Variants in PRRC2C observed in about 807,000 individuals in gnomAD.
PRRC2C encodes the protein protein PRRC2C.
Under a neutral mutation model 317.2 loss-of-function variants are expected in PRRC2C, and 72 were observed. The ratio of observed to expected loss-of-function variants is 0.23; its 90% CI spans 0.19 to 0.28. PRRC2C has a LOEUF of 0.28. Among genes scored for constraint, PRRC2C ranks in the 10% least tolerant of loss-of-function variants. The pLI, the probability that PRRC2C is intolerant of heterozygous loss-of-function variation, is 1.00. For synonymous variants in PRRC2C, 1,296 were observed against 1,205.9 expected, an observed-to-expected ratio of 1.07 and a Z score of -1.55; for missense variants, 3,074 against 3,459.7, an observed-to-expected ratio of 0.89 and a Z score of 2.80.
Position 171,557,643 on chromosome 1 carries a change from C to A in PRRC2C, c.5531C>A (p.Pro1844His). The A allele has an allele frequency of 6.4e-7, 1 of 1,551,626 alleles. No individual in the cohort carries two copies. Among genetic ancestry groups the A allele is most frequent in the Non-Finnish European group, 8.7e-7 (1 of 1,146,984 alleles). Residue 1844 changes from proline to histidine, a missense_variant, in exon 19 of 35, where the codon CCC becomes CAC. Physicochemically the swap from Pro to His is moderately conservative, Grantham distance 77. This residue lies in a region of PRRC2C where 640 missense variants were observed against 676.1 expected (regional missense o/e 0.95). Coordinates refer to ENST00000647382, the MANE Select transcript of PRRC2C (RefSeq NM_001387844.1). ...SAPASAPAPT[P>H]ILASVSTPAS... is the part of the protein sequence containing the mutation. ...CCAGCCTCAGCCCCAGCTCCAACCC[C>A]CATCCTTGCCTCAGTTTCAACCCCA...
At chr1:171,564,570 T>C (rs1683287615) in intron 20 of PRRC2C, among the ~76,000 whole-genome samples, 1 of 152,246 alleles carries the variant, frequency 6.6e-6, no homozygotes, top group South Asian at 2.1e-4. Context: ...ACATTCATGC[T>C]TTGCTTAACA....
Position 171,587,171 on chromosome 1 carries a change from G to A in PRRC2C, c.7918G>A (p.Gly2640Arg), listed in dbSNP as rs760806772. Residue 2640 changes from glycine (G) to arginine (R), a missense_variant, in exon 31 of 35, where the codon GGA becomes AGA. Gly to Arg is a moderately radical substitution (Grantham distance 125, BLOSUM62 -2). This residue lies in a region of PRRC2C where 490 missense variants were observed against 663.1 expected (regional missense o/e 0.74). Transcript: ENST00000647382. ...TGCACAAGTAAGCCAGCCTTTCAGAGGATTAATTCCTGCTGGAACACAGCA... is the reference window on the plus strand; with the variant it reads ...TGCACAAGTAAGCCAGCCTTTCAGAAGATTAATTCCTGCTGGAACACAGCA... The part of the protein sequence containing the change: ...RPAQVSQPFR[G>R]LIPAGTQHSM... The A allele has an allele frequency of 6.2e-7, 1 of 1,610,012 alleles. No individual in the cohort carries two copies. Among genetic ancestry groups the A allele is most frequent in the Non-Finnish European group, 8.5e-7 (1 of 1,178,236 alleles).
chr1:171,536,766 A>G (rs1676919212), intron 14 of PRRC2C, among the ~76,000 whole-genome samples: 1 of 152,228 alleles, frequency 6.6e-6, no homozygotes, highest in South Asian at 2.1e-4. Flanking sequence ...AGGAAAATTT[A>G]GGGATGATAA....
intron 14 of PRRC2C, among the ~76,000 whole-genome samples, chr1:171,536,860 A>G (rs1269445660): frequency 6.6e-6 from 1 of 152,212 alleles, no homozygotes; most frequent in African/African-American, 2.4e-5. Flanking sequence ...ATATTGACCA[A>G]CTAAGGTAGG....
Position 171,571,320 on chromosome 1 carries a change from G to C in PRRC2C, c.6652G>C (p.Val2218Leu). The change falls in exon 24 of 35, where the codon GTG becomes CTG. Residue 2218 changes from valine to leucine, a missense_variant and splice_region_variant. This residue lies in a region of PRRC2C where 640 missense variants were observed against 676.1 expected (regional missense o/e 0.95). Transcript: ENST00000647382. ...TGATATGTGTTGCCTACCTTTTCAG[G>C]TGCCCCTGCCCAACACCCTTCCCCT... ...TKMEDTLVNN[V>L]PLPNTLPLPK... is the part of the protein sequence containing the mutation. The C allele has an allele frequency of 6.3e-7, 1 of 1,589,534 alleles. No individual in the cohort carries two copies. Among genetic ancestry groups the C allele is most frequent in the Non-Finnish European group, 8.6e-7 (1 of 1,158,236 alleles).
intron 11 of PRRC2C, among the ~76,000 whole-genome samples, chr1:171,530,593 C>T (rs1675651443): frequency 6.6e-6 from 1 of 151,316 alleles, no homozygotes; most frequent in Non-Finnish European, 1.5e-5. Flanking sequence ...CTCAATAATA[C>T]GTAGTTAAAC....
chr1:171,486,017 A>C (rs1665979253), intron 1 of PRRC2C, among the ~76,000 whole-genome samples: 1 of 151,502 alleles, frequency 6.6e-6, no homozygotes. Flanking sequence ...GCTCCCACCT[A>C]GACCCCAGTC....
At chr1:171,591,197 A>G in intron 34 of PRRC2C, 1 of 998,968 alleles carries the variant, frequency 1.0e-6, no homozygotes, top group Non-Finnish European at 1.2e-6. Context: ...ATTTGGTCCT[A>G]GGTGTTGGTA....
rs1488116088 is a variant in PRRC2C at position 171,577,485 on chromosome 1, C to G, written c.7007C>G (p.Ser2336Trp). 3 of 1,612,862 alleles carry G rather than the reference C, an allele frequency of 1.9e-6. No individual in the cohort carries two copies. The highest frequency in any genetic ancestry group is 2.5e-6 in the Non-Finnish European group (3 of 1,179,046). Residue 2336 changes from serine (S) to tryptophan (W), a missense_variant, in exon 26 of 35, where the codon TCG becomes TGG. Around this residue, in one of 11 missense-constraint regions of PRRC2C, gnomAD observed 490 missense variants for 663.1 expected, o/e 0.74. Coordinates refer to ENST00000647382, the MANE Select transcript of PRRC2C (RefSeq NM_001387844.1). ...TTGAGCACAAAATCTACAACCACAT[C>G]GGACCCTCCAAATATTTGTAAAGTG... is the stretch of plus-strand genomic sequence containing the variant. ...SSLSTKSTTT[S>W]DPPNICKVKP...
intron 33 of PRRC2C, 133 bp downstream of exon 33, chr1:171,588,638 A>G: frequency 9.8e-7 from 1 of 1,015,318 alleles, no homozygotes. Context: ...TGAATTTAAC[A>G]ATAAATTTAT....
chr1:171,564,870 A>G (rs558723628), intron 20 of PRRC2C, among the ~76,000 whole-genome samples: 9 of 152,194 alleles, frequency 5.9e-5, no homozygotes, highest in Non-Finnish European at 1.0e-4. Flanking sequence ...GAAGGTGACT[A>G]TTTAAATATT....
chr1:171,528,319 A>C (rs1454530146), intron 11 of PRRC2C, among the ~76,000 whole-genome samples: 1 of 138,562 alleles, frequency 7.2e-6, no homozygotes, highest in African/African-American at 2.7e-5. Context: ...GACAGAGTCT[A>C]GCTCTGTCGC....
In PRRC2C at chr1:171,569,587, TA is replaced by T. The variant is rs1558024130; in HGVS notation, c.6651+1249del. On this transcript the variant is annotated intron_variant, in intron 23 of 34. Coordinates refer to ENST00000647382, the MANE Select transcript of PRRC2C (RefSeq NM_001387844.1). ...TGAAAGTGGTTTAAATATATATATA[TA>T]TATATGGTTTTTTTTTTCTTTTTTT... Among the ~76,000 whole-genome samples the T allele has an allele frequency of 2.2e-3, 284 of 129,138 alleles. 14 individuals are homozygous for T. Among genetic ancestry groups the T allele is most frequent in the African/African-American group, 7.6e-3 (272 of 35,780 alleles). 84.7% of individuals were successfully genotyped at this position (129,138 alleles called of 152,430 possible).
At position 171,558,064 on chromosome 1, in the gene PRRC2C, G is replaced by C. The variant is rs1681787578; in HGVS notation, c.5952G>C (p.Gln1984His). 1.2e-6 allele frequency: 2 copies of C among 1,613,946 alleles called. No homozygotes were observed. The highest frequency in any genetic ancestry group is 2.2e-5 in the East Asian group (1 of 44,884). The change falls in exon 19 of 35, where the codon CAG (glutamine) becomes CAC (histidine). Residue 1984 changes from glutamine (Q) to histidine (H), a missense_variant. Around this residue, in one of 11 missense-constraint regions of PRRC2C, gnomAD observed 640 missense variants for 676.1 expected, o/e 0.95. Coordinates refer to ENST00000647382, the MANE Select transcript of PRRC2C (RefSeq NM_001387844.1). ...VASGKSIQTP[Q>H]SHGTLTAELW... Reference sequence around the variant, plus strand: ...CAGGAAAATCCATCCAGACCCCACAGTCACATGGCACTCTGACAGCTGAAT... The same window carrying C: ...CAGGAAAATCCATCCAGACCCCACACTCACATGGCACTCTGACAGCTGAAT...
intron 1 of PRRC2C, among the ~76,000 whole-genome samples, chr1:171,502,017 G>A (rs1302740107): frequency 3.9e-5 from 6 of 152,152 alleles, no homozygotes; most frequent in African/African-American, 1.4e-4. Context: ...GCTGGGCTTG[G>A]ACTCAAATAA....
At chr1:171,570,038 T>C (rs79600421) in intron 23 of PRRC2C, among the ~76,000 whole-genome samples, 6,053 of 152,196 alleles carry the variant, frequency 0.04, 364 homozygotes, top group African/African-American at 0.14. Context: ...GTGAATAGTC[T>C]GCATGCAGTT....
At chr1:171,535,729 A>G (rs934324785) in intron 13 of PRRC2C, 132 bp downstream of exon 13, 3 of 1,192,630 alleles carry the variant, frequency 2.5e-6, no homozygotes, top group African/African-American at 3.1e-5. Flanking sequence ...TTCCTTGTAA[A>G]TAAAAGTTAA....
intron 1 of PRRC2C, among the ~76,000 whole-genome samples, chr1:171,494,134 G>T (rs1667686349): frequency 6.6e-6 from 1 of 152,184 alleles, no homozygotes; most frequent in African/African-American, 2.4e-5. Context: ...TAAAAAGAAT[G>T]CCCTGGCAAT....
intron 18 of PRRC2C, among the ~76,000 whole-genome samples, chr1:171,553,769 T>C (rs969731963): frequency 3.9e-5 from 6 of 152,206 alleles, no homozygotes; most frequent in Admixed American, 6.5e-5. Context: ...TCCATGTAGT[T>C]GTGTGGTTTT....
Sources: allele counts gnomAD v4.1 joint callset (sites outside exome capture counted in the v4.1 genomes callset), GRCh38; gene constraint gnomAD v4.1.1; regional missense constraint gnomAD v4.1.1; transcripts MANE v1.5; gene names NCBI Gene and HGNC (gene_info 2026-07-23, HGNC 2026-07-21).